SPIDR: variants seen among roughly 807,000 people sequenced by gnomAD.
SPIDR encodes DNA repair-scaffolding protein.
Under a neutral mutation model 104.6 loss-of-function variants are expected in SPIDR, and 93 were observed. The observed-to-expected ratio is 0.89, with a 90% CI of 0.75 to 1.06. The LOEUF (loss-of-function observed/expected upper bound fraction) is 1.06. Among genes scored for constraint, SPIDR ranks in the 50% least tolerant of loss-of-function variants. The pLI, the probability that SPIDR is intolerant of heterozygous loss-of-function variation, is 0.00. For synonymous variants in SPIDR, 431 were observed against 416.9 expected (o/e 1.03, Z -0.41); for missense variants, 1,154 against 1,111.2 (o/e 1.04, Z -0.55).
intron 10 of SPIDR, among the ~76,000 whole-genome samples, chr8:47,622,260 T>C (rs1461184167): frequency 6.6e-6 from 1 of 152,138 alleles, no homozygotes; most frequent in Non-Finnish European, 1.5e-5. Context: ...GGTCTAAAGA[T>C]GGCTTTGAAG....
intron 10 of SPIDR, among the ~76,000 whole-genome samples, chr8:47,650,390 A>AG (rs1263091180): frequency 2.0e-5 from 3 of 152,206 alleles, no homozygotes; most frequent in Non-Finnish European, 4.4e-5. Context: ...ACTTAGGAAT[A>AG]TACTTAACCA....
chr8:47,715,584 A>G (rs2082458848), intron 16 of SPIDR, among the ~76,000 whole-genome samples: 1 of 152,244 alleles, frequency 6.6e-6, no homozygotes, highest in Non-Finnish European at 1.5e-5. Context: ...CTTTTGCACA[A>G]ACCTAACATA....
intron 8 of SPIDR, among the ~76,000 whole-genome samples, chr8:47,571,978 C>G (rs751359919): frequency 8.5e-5 from 13 of 152,130 alleles, no homozygotes; most frequent in Non-Finnish European, 1.8e-4. Flanking sequence ...TATGCTTTCC[C>G]TCTTCTAATA....
At chr8:47,435,723 A>G (rs2068187827) in intron 7 of SPIDR, among the ~76,000 whole-genome samples, 2 of 152,208 alleles carry the variant, frequency 1.3e-5, no homozygotes, top group African/African-American at 2.4e-5. Flanking sequence ...AGCCACAGCA[A>G]TAGGCCTCAG....
chr8:47,271,422 C>T (rs748634232), intron 1 of SPIDR, among the ~76,000 whole-genome samples: 203 of 152,148 alleles, frequency 1.3e-3, no homozygotes, highest in Admixed American at 4.1e-3. Context: ...TCCTGTTTCT[C>T]AGCTTGGATA....
At chr8:47,557,020 T>C (rs1312798419) in intron 8 of SPIDR, among the ~76,000 whole-genome samples, 1 of 152,178 alleles carries the variant, frequency 6.6e-6, no homozygotes, top group Non-Finnish European at 1.5e-5. Flanking sequence ...AGTTCTTTGC[T>C]TAGAACTTAG....
chr8:47,266,599 A>G (rs904180760), intron 1 of SPIDR, among the ~76,000 whole-genome samples: 4 of 152,218 alleles, frequency 2.6e-5, no homozygotes, highest in Non-Finnish European at 4.4e-5. Context: ...TGTGAACATA[A>G]GTTTTCATTT....
intron 8 of SPIDR, among the ~76,000 whole-genome samples, chr8:47,591,866 C>T (rs1481425088): frequency 6.6e-6 from 1 of 151,176 alleles, no homozygotes; most frequent in Non-Finnish European, 1.5e-5. Flanking sequence ...ATACTTAAAC[C>T]AGGATGGGGG....
intron 5 of SPIDR, among the ~76,000 whole-genome samples, chr8:47,310,874 A>G (rs587661028): frequency 6.6e-6 from 1 of 152,354 alleles, no homozygotes; most frequent in South Asian, 2.1e-4. Flanking sequence ...GAAGAACATA[A>G]TCAAATCCAG....
At chr8:47,730,237 C>T (rs940306371) in intron 19 of SPIDR, among the ~76,000 whole-genome samples, 4 of 152,166 alleles carry the variant, frequency 2.6e-5, no homozygotes, top group African/African-American at 9.7e-5. Context: ...AGAAAAGCCA[C>T]CTAAATATAT....
intron 8 of SPIDR, among the ~76,000 whole-genome samples, chr8:47,504,609 T>C (rs2154373037): frequency 6.6e-6 from 1 of 152,330 alleles, no homozygotes; most frequent in Middle Eastern, 3.4e-3. Flanking sequence ...AGTAGTTTGA[T>C]CATCTGAAGC....
chr8:47,347,732 G>T (rs1222048266), intron 5 of SPIDR, among the ~76,000 whole-genome samples: 2 of 152,000 alleles, frequency 1.3e-5, no homozygotes, highest in African/African-American at 4.8e-5. Context: ...GATCTTTGTT[G>T]GTTTAAAGTC....
chr8:47,271,570 A>G (rs1255509713), intron 1 of SPIDR, among the ~76,000 whole-genome samples: 6 of 151,926 alleles, frequency 3.9e-5, no homozygotes, highest in Non-Finnish European at 8.8e-5. Context: ...CTGTCTTTTT[A>G]TAATTTCTGT....
chr8:47,335,079 C>T (rs1554607811), intron 5 of SPIDR, among the ~76,000 whole-genome samples: 2 of 152,126 alleles, frequency 1.3e-5, no homozygotes, highest in Admixed American at 6.6e-5. Context: ...TGTAAGCATA[C>T]ATAAATACAT....
chr8:47,536,812 T>G (rs1037720430), intron 8 of SPIDR, among the ~76,000 whole-genome samples: 4 of 152,214 alleles, frequency 2.6e-5, no homozygotes, highest in African/African-American at 9.6e-5. Context: ...AGACAAGCCA[T>G]GGACATATCT....
chr8:47,703,994 A>G (rs934233173), intron 14 of SPIDR, among the ~76,000 whole-genome samples: 5 of 152,360 alleles, frequency 3.3e-5, no homozygotes, highest in Middle Eastern at 3.4e-3. Flanking sequence ...TGATCGTCAT[A>G]TGAAAGTACT....
At position 47,291,968 on chromosome 8, in the gene SPIDR, C is replaced by G. The variant is rs909311542; in HGVS notation, c.361+831C>G. Reference sequence around the variant, plus strand: ...TATGGGGAGTAACACCTTCCTATGCCTGTAGGATATTCTGCCGTGTCCCTT... The same window carrying G: ...TATGGGGAGTAACACCTTCCTATGCGTGTAGGATATTCTGCCGTGTCCCTT... On this transcript the variant is annotated intron_variant, in intron 4 of 19. Transcript: ENST00000297423. Among the ~76,000 whole-genome samples, 6 of 152,264 alleles carry G rather than the reference C, an allele frequency of 3.9e-5. No individual in the cohort carries two copies. In the Middle Eastern group the frequency reaches 0.017, roughly 432 times the overall value.
intron 8 of SPIDR, among the ~76,000 whole-genome samples, chr8:47,530,440 T>C (rs900102988): frequency 6.6e-6 from 1 of 152,022 alleles, no homozygotes; most frequent in African/African-American, 2.4e-5. Context: ...CGAGACTCTG[T>C]GTCAAATACA....
chr8:47,261,287 G>T (rs1037606139), intron 1 of SPIDR, among the ~76,000 whole-genome samples: 1 of 152,220 alleles, frequency 6.6e-6, no homozygotes, highest in Non-Finnish European at 1.5e-5. Flanking sequence ...CGCCTCGGGG[G>T]TACTTGGCCT....
Sources: allele counts gnomAD v4.1 joint callset (sites outside exome capture counted in the v4.1 genomes callset), GRCh38; gene constraint gnomAD v4.1.1; transcripts MANE v1.5; gene names NCBI Gene and HGNC (gene_info 2026-07-23, HGNC 2026-07-21).